Variants in ATP11C observed in about 807,000 individuals in gnomAD.
ATP11C encodes phospholipid-transporting ATPase IG.
ATP11C carries 36 observed loss-of-function variants against 97.4 expected under a neutral mutation model. The ratio of observed to expected loss-of-function variants is 0.37; its 90% confidence interval spans 0.28 to 0.49. ATP11C has a LOEUF of 0.49. ATP11C is among the 20% of genes least tolerant of loss of function. ATP11C has a pLI of 0.98. For missense variants in ATP11C, 730 were observed against 824.6 expected, an observed-to-expected ratio of 0.89 and a Z score of 1.40; for synonymous variants, 275 against 290.9, an observed-to-expected ratio of 0.95 and a Z score of 0.56.
intron 1 of ATP11C, among the ~76,000 whole-genome samples, chrX:139,830,694 C>A (rs1269996550): frequency 9.0e-6 from 1 of 111,629 alleles, no homozygotes; most frequent in Non-Finnish European, 1.9e-5. Context: ...CAAAAATGAA[C>A]AAAAAAATTT....
intron 1 of ATP11C, among the ~76,000 whole-genome samples, chrX:139,859,883 C>T (rs1285072323): frequency 1.2e-5 from 1 of 81,897 alleles, no homozygotes; most frequent in East Asian, 5.0e-4. Flanking sequence ...GGGCGGATCA[C>T]GAGGTCAGGA....
At chrX:139,757,119 T>C (rs1438189611) in intron 23 of ATP11C, among the ~76,000 whole-genome samples, 2 of 111,007 alleles carry the variant, frequency 1.8e-5, no homozygotes, top group African/African-American at 3.3e-5. Flanking sequence ...ATTTAGAAAC[T>C]TAACACCTAT....
chrX:139,862,613 C>G (rs890152466), intron 1 of ATP11C, among the ~76,000 whole-genome samples: 1 of 111,399 alleles, frequency 9.0e-6, no homozygotes, highest in African/African-American at 3.3e-5. Flanking sequence ...AGAGTTTTTC[C>G]GAAACAAATC....
At chrX:139,732,823 T>C (rs1051596886) in intron 28 of ATP11C, among the ~76,000 whole-genome samples, 4 of 111,342 alleles carry the variant, frequency 3.6e-5, no homozygotes, top group African/African-American at 1.3e-4. Context: ...CTTTAAAATA[T>C]GCTTCTCGTT....
intron 1 of ATP11C, among the ~76,000 whole-genome samples, chrX:139,920,972 T>C (rs2085250155): frequency 8.9e-6 from 1 of 111,993 alleles, no homozygotes; most frequent in African/African-American, 3.2e-5. Flanking sequence ...TAGAACCTAC[T>C]GGATTCTCTG....
At chrX:139,837,966 T>C (rs1156914782) in intron 1 of ATP11C, among the ~76,000 whole-genome samples, 5 of 111,923 alleles carry the variant, frequency 4.5e-5, no homozygotes, top group African/African-American at 3.2e-5. Flanking sequence ...GTCAAACCAA[T>C]AGAAAATTGC....
chrX:139,747,470 T>C (rs1170511319), intron 24 of ATP11C, among the ~76,000 whole-genome samples: 2 of 110,742 alleles, frequency 1.8e-5, no homozygotes, highest in African/African-American at 6.6e-5. Flanking sequence ...TGGGGAGAGG[T>C]TGATGAGCAG....
rs146271960 is a variant in ATP11C, at chrX:139,928,737, G to A, written c.27+3279C>T. On this transcript the variant is annotated intron_variant, in intron 1 of 29. Transcript: ENST00000682941. ...TTTATGAAACCAAAGCAGTTTAAGG[G>A]CTTCTAGAATCAGAGATTTAAATGT... Among the ~76,000 whole-genome samples, 442 of 111,581 alleles carry A rather than the reference G, an allele frequency of 4.0e-3. 3 individuals carry two copies. Among genetic ancestry groups the A allele is most frequent in the African/African-American group, 0.014 (421 of 30,689 alleles).
Position 139,796,488 on chromosome X carries a change from G to A in ATP11C, c.1009-18C>T. On this transcript the variant is annotated intron_variant, in intron 11 of 29. Coordinates refer to ENST00000682941, the MANE Select transcript of ATP11C (RefSeq NM_001353812.2). ...TTTAAAACCTAAAATAAAAGAGATAGTTCATGCTAATTAGACATACAATTT... is the reference window on the plus strand; with the variant it reads ...TTTAAAACCTAAAATAAAAGAGATAATTCATGCTAATTAGACATACAATTT... 9.6e-7 allele frequency: 1 copy of A among 1,036,649 alleles called. No homozygotes were observed. The highest frequency in any genetic ancestry group is 1.3e-6 in the Non-Finnish European group (1 of 747,042). 85.4% of individuals were successfully genotyped at this position (1,036,649 alleles called of 1,213,427 possible).
intron 5 of ATP11C, among the ~76,000 whole-genome samples, chrX:139,807,730 G>A (rs922249398): frequency 3.6e-5 from 4 of 110,954 alleles, no homozygotes; most frequent in Admixed American, 9.6e-5. Context: ...TGGGAGGACC[G>A]CATAAGGCCA....
chrX:139,743,308 G>T (rs1425700570), intron 26 of ATP11C, among the ~76,000 whole-genome samples: 1 of 109,927 alleles, frequency 9.1e-6, no homozygotes, highest in Non-Finnish European at 1.9e-5. Flanking sequence ...ACATAAGTAT[G>T]GTGTTTGAAT....
At chrX:139,756,057 A>C (rs1478926067) in intron 23 of ATP11C, among the ~76,000 whole-genome samples, 1 of 112,605 alleles carries the variant, frequency 8.9e-6, no homozygotes, top group Non-Finnish European at 1.9e-5. Flanking sequence ...AAATGGGAGA[A>C]AATATTTACA....
In ATP11C at chrX:139,743,718, TG is replaced by T. The variant is rs2081620419; in HGVS notation, c.2965-95del. The T allele has an allele frequency of 6.3e-6, 3 of 475,170 alleles. No individual in the cohort carries two copies. In the Admixed American group the frequency reaches 1.3e-4, roughly 21 times the overall value. The allele number at this position is 475,170 out of a possible 1,213,427, so 39.2% of individuals were successfully genotyped here. A position where few individuals can be genotyped will look rare whatever the true frequency, so the allele number is the denominator to read the frequency against. On this transcript the variant is annotated intron_variant, in intron 25 of 29. Transcript: ENST00000682941. ...AAAAAAAGCCAAGTTGAATCCTGTG[TG>T]TAAGTGCCAAATATTTTTGTATGAA...
rs1162100233 is a variant in ATP11C at position 139,896,532 on chromosome X, T to C, written c.27+35484A>G. ...AAGGAAATCTGAATGAAGTATGAAC[T>C]TCAGTTAATTTTATACACACACACA... is the stretch of plus-strand genomic sequence containing the variant. On this transcript the variant is annotated intron_variant, in intron 1 of 29. Coordinates refer to ENST00000682941, the MANE Select transcript of ATP11C (RefSeq NM_001353812.2). Among the ~76,000 whole-genome samples the C allele has an allele frequency of 9.5e-5, 9 of 94,723 alleles. No individual in the cohort carries two copies. The South Asian group carries it at 2.2e-3, about 23-fold the overall frequency. The allele number at this position is 94,723 out of a possible 115,157, so 82.3% of individuals were successfully genotyped here. A position where few individuals can be genotyped will look rare whatever the true frequency, so the allele number is the denominator to read the frequency against.
intron 29 of ATP11C, among the ~76,000 whole-genome samples, chrX:139,729,748 T>C (rs2081305201): frequency 8.9e-6 from 1 of 111,997 alleles, no homozygotes; most frequent in Non-Finnish European, 1.9e-5. Context: ...AAGTCATATG[T>C]CAAAACAGGG....
rs190135768 is a variant in ATP11C at position 139,783,151 on chromosome X, A to C, written c.1770+13T>G. ...CTGCTTACTTATTGGTGGGGGAAGG[A>C]GTATAGGCTCACCATTGCATTACGT... On this transcript the variant is annotated intron_variant, in intron 17 of 29. Transcript: ENST00000682941. The C allele has an allele frequency of 3.6e-6, 4 of 1,113,245 alleles. No homozygotes were observed. In the Admixed American group the frequency reaches 6.7e-5, roughly 19 times the overall value. The allele number at this position is 1,113,245 out of a possible 1,213,427, so 91.7% of individuals were successfully genotyped here.
At chrX:139,918,077 A>C (rs2085184959) in intron 1 of ATP11C, among the ~76,000 whole-genome samples, 1 of 111,199 alleles carries the variant, frequency 9.0e-6, no homozygotes, top group Non-Finnish European at 1.9e-5. Context: ...CACTGTTGAA[A>C]ACAGTACAGA....
chrX:139,862,136 A>C (rs948088328), intron 1 of ATP11C, among the ~76,000 whole-genome samples: 38 of 111,951 alleles, frequency 3.4e-4, no homozygotes, highest in African/African-American at 1.2e-3. Flanking sequence ...GAAAGGGTTC[A>C]GAGGGCTTCT....
chrX:139,766,830 G>C (rs1283339347), intron 20 of ATP11C, among the ~76,000 whole-genome samples: 4 of 111,998 alleles, frequency 3.6e-5, no homozygotes, highest in Admixed American at 9.4e-5. Flanking sequence ...ATTTGGACTG[G>C]AGGAGCTGGA....
Sources: gnomAD v4.1 joint callset for allele counts (sites outside exome capture counted in the v4.1 genomes callset) on GRCh38, gnomAD v4.1.1 for gene constraint, MANE v1.5 for transcripts, NCBI Gene and HGNC (gene_info 2026-07-23, HGNC 2026-07-21) for gene names.